Variants in PLEKHB2 observed in about 807,000 individuals in gnomAD.
PLEKHB2 encodes pleckstrin homology domain containing B2.
Under a neutral mutation model 36.5 loss-of-function variants are expected in PLEKHB2, and 31 were observed. That is an observed-to-expected ratio of 0.85 (90% CI 0.64 to 1.15). The LOEUF is 1.15. Ranked by LOEUF, PLEKHB2 falls within the 50% of genes most tolerant of loss-of-function variation. The probability of loss-of-function intolerance (pLI) is 0.00; values close to 1 mark genes in which losing one functional copy is unlikely to be tolerated. For missense variants in PLEKHB2, 262 were observed against 295.3 expected, an observed-to-expected ratio of 0.89 and a Z score of 0.83; for synonymous variants, 119 against 112.0, an observed-to-expected ratio of 1.06 and a Z score of -0.39.
intron 1 of PLEKHB2, among the ~76,000 whole-genome samples, chr2:131,116,829 T>C (rs748877809): frequency 2.6e-5 from 4 of 152,186 alleles, no homozygotes; most frequent in East Asian, 1.9e-4. Context: ...TAAAAGTCTC[T>C]TTTAACTCTT....
intron 2 of PLEKHB2, among the ~76,000 whole-genome samples, chr2:131,121,325 C>T (rs1464682648): frequency 6.6e-5 from 10 of 152,024 alleles, no homozygotes; most frequent in Non-Finnish European, 1.3e-4. Context: ...CTCGGCTCAC[C>T]GCAGCCTCCG....
chr2:131,142,538 C>G (rs1334436735), intron 7 of PLEKHB2, among the ~76,000 whole-genome samples: 1 of 145,464 alleles, frequency 6.9e-6, no homozygotes, highest in Non-Finnish European at 1.5e-5. Flanking sequence ...CCTTTTTGTT[C>G]TTATTGAATA....
At chr2:131,130,815 C>T in intron 5 of PLEKHB2, 55 bp downstream of exon 5, 2 of 1,291,884 alleles carry the variant, frequency 1.5e-6, no homozygotes. Context: ...CAAGGTGTCA[C>T]TCTCACTCAG....
At chr2:131,133,457 T>A (rs1320277754) in intron 6 of PLEKHB2, among the ~76,000 whole-genome samples, 1 of 152,256 alleles carries the variant, frequency 6.6e-6, no homozygotes, top group Non-Finnish European at 1.5e-5. Context: ...TTAAAAAAAT[T>A]GAATTTTGAA....
At chr2:131,140,376 CTA>C in intron 7 of PLEKHB2, 101 bp downstream of exon 7, 3 of 631,316 alleles carry the variant, frequency 4.8e-6, no homozygotes, top group Admixed American at 3.1e-5. Context: ...GTTACATGAG[CTA>C]TATTTTCTGG....
chr2:131,120,845 T>A, intron 1 of PLEKHB2, 89 bp from the exon 2 acceptor site: 1 of 1,325,544 alleles, frequency 7.5e-7, no homozygotes, highest in Non-Finnish European at 1.1e-6. Flanking sequence ...CCTCAGCTGA[T>A]GCTGAAGGGG....
chr2:131,139,102 G>C (rs1698536571), intron 6 of PLEKHB2, among the ~76,000 whole-genome samples: 1 of 152,144 alleles, frequency 6.6e-6, no homozygotes, highest in African/African-American at 2.4e-5. Context: ...TGTCTTGCTA[G>C]GTTGCCCCTT....
intron 1 of PLEKHB2, among the ~76,000 whole-genome samples, chr2:131,119,536 G>A (rs1463679503): frequency 1.3e-5 from 2 of 152,162 alleles, no homozygotes; most frequent in Non-Finnish European, 2.9e-5. Flanking sequence ...TGATGTTGCC[G>A]CGAGTGTTTA....
intron 4 of PLEKHB2, among the ~76,000 whole-genome samples, chr2:131,128,447 T>C (rs1697317723): frequency 6.6e-6 from 1 of 152,180 alleles, no homozygotes; most frequent in Non-Finnish European, 1.5e-5. Context: ...CTGGCCACCA[T>C]ATTTAAAATT....
At chr2:131,135,015 A>T (rs547668361) in intron 6 of PLEKHB2, among the ~76,000 whole-genome samples, 1 of 151,654 alleles carries the variant, frequency 6.6e-6, no homozygotes, top group South Asian at 2.1e-4. Context: ...TCCTTTGTTT[A>T]CTGCCAGTAT....
chr2:131,120,830 C>T, intron 1 of PLEKHB2, 104 bp from the exon 2 acceptor site: 2 of 1,167,046 alleles, frequency 1.7e-6, no homozygotes, highest in Non-Finnish European at 2.6e-6. Flanking sequence ...TGGCCTTGGG[C>T]CCTTCCTCAG....
At chr2:131,144,701 ACT>A in intron 7 of PLEKHB2, among the ~76,000 whole-genome samples, 1 of 152,274 alleles carries the variant, frequency 6.6e-6, no homozygotes, top group East Asian at 1.9e-4. Context: ...TCCACAGCTG[ACT>A]CTGGCAAGGA....
At position 131,146,737 on chromosome 2, in the gene PLEKHB2, G is replaced by A. The variant is rs375545767; in HGVS notation, c.633G>A (p.Thr211=). Residue 211 remains threonine (T), a synonymous_variant, in exon 8 of 8, where the codon ACG becomes ACA. Coordinates refer to ENST00000693505, the MANE Select transcript of PLEKHB2 (RefSeq NM_001100623.2). ...TGGGCATGCTGGCAGGAGCAGCCAC[G>A]GGCATGGCCTTAGGGTCTCTATTTT... The part of the protein sequence containing the change: ...LALGMLAGAA[T]GMALGSLFWV... The A allele has an allele frequency of 3.5e-5, 56 of 1,613,686 alleles. No homozygotes were observed. The highest frequency in any genetic ancestry group is 2.2e-4 in the Admixed American group (13 of 59,958).
At chr2:131,131,466 T>A (rs1697671628) in intron 5 of PLEKHB2, among the ~76,000 whole-genome samples, 1 of 152,214 alleles carries the variant, frequency 6.6e-6, no homozygotes, top group African/African-American at 2.4e-5. Flanking sequence ...ACTGAGACAG[T>A]GAACCTCATT....
chr2:131,126,276 C>G (rs942231048), intron 3 of PLEKHB2, among the ~76,000 whole-genome samples: 1 of 152,058 alleles, frequency 6.6e-6, no homozygotes, highest in African/African-American at 2.4e-5. Context: ...GCCTGTAATC[C>G]CAGCACTTTG....
intron 1 of PLEKHB2, among the ~76,000 whole-genome samples, chr2:131,112,131 C>T (rs1280167489): frequency 6.6e-6 from 1 of 152,202 alleles, no homozygotes; most frequent in Non-Finnish European, 1.5e-5. Context: ...GCCCCCCAAC[C>T]TTCCAGGAAG....
At chr2:131,117,714 G>T (rs895129962) in intron 1 of PLEKHB2, among the ~76,000 whole-genome samples, 2 of 151,800 alleles carry the variant, frequency 1.3e-5, no homozygotes, top group African/African-American at 4.9e-5. Context: ...TACGTGCTTT[G>T]CCCTCTCATT....
intron 1 of PLEKHB2, chr2:131,107,855 G>C (rs1694894719): frequency 6.6e-6 from 1 of 152,182 alleles, no homozygotes. Flanking sequence ...ATAGAGATGG[G>C]GTTTCACTAT....
chr2:131,149,743 A>G lies in PLEKHB2; in HGVS notation c.*2970A>G, dbSNP rs924082291. 6.6e-6 allele frequency: 1 copy of G among 152,220 alleles called. No individual in the cohort carries two copies. Among genetic ancestry groups the G allele is most frequent in the Non-Finnish European group, 1.5e-5 (1 of 68,038 alleles). 9.4% of individuals were successfully genotyped at this position (152,220 alleles called of 1,614,324 possible). A position where few individuals can be genotyped will look rare whatever the true frequency, so the allele number is the denominator to read the frequency against. ...TTTTTGTGATTGCTTTCCCGTCTCTAGTAGTATTCTGTTGTGTCTAGAGAA... is the reference window on the plus strand; with the variant it reads ...TTTTTGTGATTGCTTTCCCGTCTCTGGTAGTATTCTGTTGTGTCTAGAGAA... On this transcript the variant is annotated 3_prime_UTR_variant, in exon 8 of 8. Coordinates refer to ENST00000693505, the MANE Select transcript of PLEKHB2 (RefSeq NM_001100623.2).
Sources: gnomAD v4.1 joint callset for allele counts (sites outside exome capture counted in the v4.1 genomes callset) on GRCh38, gnomAD v4.1.1 for gene constraint, MANE v1.5 for transcripts, NCBI Gene and HGNC (gene_info 2026-07-23, HGNC 2026-07-21) for gene names.